The following UNC5D variants were observed in gnomAD, a reference collection of about 807,000 sequenced individuals.
UNC5D encodes the protein unc-5 netrin receptor D.
In UNC5D, 39 loss-of-function variants were observed where a neutral mutation model predicts 105.4. The observed-to-expected ratio is 0.37, with a 90% confidence interval of 0.29 to 0.48. UNC5D has a LOEUF of 0.48. Ranked by LOEUF, UNC5D falls within the 20% of genes least tolerant of loss-of-function variation. The pLI is 0.98. For synonymous variants in UNC5D, 452 were observed against 450.4 expected (o/e 1.00, Z -0.04); for missense variants, 991 against 1,202.4 (o/e 0.82, Z 2.60).
chr8:35,244,965 A>G (rs1803001546), intron 1 of UNC5D, among the ~76,000 whole-genome samples: 1 of 152,156 alleles, frequency 6.6e-6, no homozygotes, highest in African/African-American at 2.4e-5. Context: ...ACAGTGAGCC[A>G]TAATCACTGC....
intron 1 of UNC5D, among the ~76,000 whole-genome samples, chr8:35,517,812 T>C (rs1271434535): frequency 6.6e-6 from 1 of 152,164 alleles, no homozygotes; most frequent in African/African-American, 2.4e-5. Context: ...TTCTGGAGCT[T>C]GGGAAGTCCA....
intron 4 of UNC5D, among the ~76,000 whole-genome samples, chr8:35,632,283 A>C (rs1282602446): frequency 6.6e-6 from 1 of 152,240 alleles, no homozygotes; most frequent in East Asian, 1.9e-4. Flanking sequence ...AGGAAACTGC[A>C]TTATTTAGAA....
chr8:35,709,621 T>C (rs1456890193), intron 8 of UNC5D, among the ~76,000 whole-genome samples: 1 of 151,840 alleles, frequency 6.6e-6, no homozygotes, highest in Non-Finnish European at 1.5e-5. Flanking sequence ...AGCCGGGAGG[T>C]GGAGGTTGCA....
chr8:35,753,045 A>G (rs1458582172), intron 13 of UNC5D, among the ~76,000 whole-genome samples: 1 of 152,204 alleles, frequency 6.6e-6, no homozygotes, highest in Non-Finnish European at 1.5e-5. Context: ...GCTTGTTCTC[A>G]GTGACTTTCA....
intron 4 of UNC5D, among the ~76,000 whole-genome samples, chr8:35,633,069 C>A (rs1360810765): frequency 6.6e-6 from 1 of 152,206 alleles, no homozygotes. Context: ...ATGTCAGGTT[C>A]ATGGGGTCCC....
chr8:35,410,583 T>G (rs1409838172), intron 1 of UNC5D, among the ~76,000 whole-genome samples: 1 of 152,100 alleles, frequency 6.6e-6, no homozygotes, highest in African/African-American at 2.4e-5. Context: ...TTTCAGTGAT[T>G]ATAAAATTTT....
Position 35,235,831 on chromosome 8 carries a change from G to T in UNC5D, c.47G>T (p.Arg16Leu), listed in dbSNP as rs931494398. The T allele has an allele frequency of 2.4e-6, 3 of 1,230,162 alleles. No homozygotes were observed. Among genetic ancestry groups the T allele is most frequent in the African/African-American group, 3.1e-5 (2 of 64,272 alleles). 76.2% of individuals were successfully genotyped at this position (1,230,162 alleles called of 1,614,324 possible). ...ATAGGGGGAR[R>L]WLPWLGLCFW... ...GCAGGCGGCGGCGGAGGGGCGCGCC[G>T]CTGGCTCCCGTGGCTGGGGCTGTGC... is the stretch of plus-strand genomic sequence containing the variant. Residue 16 changes from arginine to leucine, a missense_variant, in exon 1 of 17, where the codon CGC becomes CTC. Arg to Leu is a moderately radical substitution (Grantham distance 102, BLOSUM62 -2). Around this residue, in one of 3 missense-constraint regions of UNC5D, gnomAD observed 944 missense variants for 1,131.6 expected, o/e 0.83. Transcript: ENST00000404895.
At chr8:35,598,833 C>T (rs1819644947) in intron 4 of UNC5D, among the ~76,000 whole-genome samples, 1 of 152,124 alleles carries the variant, frequency 6.6e-6, no homozygotes, top group Non-Finnish European at 1.5e-5. Flanking sequence ...GATCTCACCT[C>T]TATGCAGAAC....
Position 35,346,318 on chromosome 8 carries a change from T to A in UNC5D, c.103+110431T>A, listed in dbSNP as rs1811804081. 2.0e-5 allele frequency among the ~76,000 whole-genome samples: 3 copies of A among 152,142 alleles called. No individual in the cohort carries two copies. In the South Asian group the frequency reaches 6.2e-4, roughly 32 times the overall value. On this transcript the variant is annotated intron_variant, in intron 1 of 16. Transcript: ENST00000404895. ...TATGTAGAAAGTATTTAAAACTGAT[T>A]AAGATTCTAAAGGTTTTTTCCTTGA...
At chr8:35,680,988 C>G (rs1825624506) in intron 4 of UNC5D, among the ~76,000 whole-genome samples, 1 of 152,036 alleles carries the variant, frequency 6.6e-6, no homozygotes, top group Non-Finnish European at 1.5e-5. Flanking sequence ...GGAGGTGGAG[C>G]AAAAAAGTTC....
chr8:35,601,125 T>G (rs972211813), intron 4 of UNC5D, among the ~76,000 whole-genome samples: 7 of 152,174 alleles, frequency 4.6e-5, no homozygotes, highest in African/African-American at 1.7e-4. Context: ...TGCGGCATTA[T>G]GTCTGAGGGC....
chr8:35,492,339 G>T (rs1281391390), intron 1 of UNC5D, among the ~76,000 whole-genome samples: 1 of 151,890 alleles, frequency 6.6e-6, no homozygotes, highest in East Asian at 1.9e-4. Context: ...GAATAATTTT[G>T]TCAGTGGGGT....
chr8:35,406,885 A>C (rs1248723321), intron 1 of UNC5D, among the ~76,000 whole-genome samples: 1 of 152,084 alleles, frequency 6.6e-6, no homozygotes, highest in Non-Finnish European at 1.5e-5. Context: ...GAATTACATA[A>C]TGTGTGTATG....
At chr8:35,250,744 G>A (rs1045994714) in intron 1 of UNC5D, among the ~76,000 whole-genome samples, 23 of 151,994 alleles carry the variant, frequency 1.5e-4, no homozygotes, top group Non-Finnish European at 2.2e-4. Context: ...CAATCCGCCC[G>A]CCTCGGCCTC....
At chr8:35,632,274 G>T (rs1229702242) in intron 4 of UNC5D, among the ~76,000 whole-genome samples, 1 of 152,208 alleles carries the variant, frequency 6.6e-6, no homozygotes, top group Non-Finnish European at 1.5e-5. Context: ...ACATGAGTGA[G>T]GAAACTGCAT....
intron 4 of UNC5D, among the ~76,000 whole-genome samples, chr8:35,676,373 C>CAGAT (rs148353816): frequency 0.012 from 1,767 of 152,160 alleles, 29 homozygotes; most frequent in African/African-American, 0.04. Flanking sequence ...AAGTAGAAAC[C>CAGAT]AGATAAAGAA....
chr8:35,692,120 G>T (rs1000596593), intron 7 of UNC5D, among the ~76,000 whole-genome samples: 1 of 152,118 alleles, frequency 6.6e-6, no homozygotes, highest in Non-Finnish European at 1.5e-5. Flanking sequence ...TCAGTAAAAC[G>T]GTGGTTTTCA....
At chr8:35,418,106 A>G (rs975002306) in intron 1 of UNC5D, among the ~76,000 whole-genome samples, 1 of 152,118 alleles carries the variant, frequency 6.6e-6, no homozygotes, top group Non-Finnish European at 1.5e-5. Flanking sequence ...TTGAAAATAG[A>G]GATAGGGGAT....
At chr8:35,288,329 T>C (rs1469069844) in intron 1 of UNC5D, among the ~76,000 whole-genome samples, 6 of 151,794 alleles carry the variant, frequency 4.0e-5, no homozygotes, top group Middle Eastern at 6.8e-3. Flanking sequence ...AGAAAGACTA[T>C]CAACCAAAAA....
Sources: allele counts gnomAD v4.1 joint callset (sites outside exome capture counted in the v4.1 genomes callset), GRCh38; gene constraint gnomAD v4.1.1; regional missense constraint gnomAD v4.1.1; transcripts MANE v1.5; gene names NCBI Gene and HGNC (gene_info 2026-07-23, HGNC 2026-07-21).